PRCP: variants seen among roughly 807,000 people sequenced by gnomAD.
PRCP encodes the protein lysosomal Pro-X carboxypeptidase.
In PRCP, 46 loss-of-function variants were observed where a neutral mutation model predicts 54.2. That is an observed-to-expected ratio of 0.85 (90% CI 0.67 to 1.09). The LOEUF (loss-of-function observed/expected upper bound fraction) is 1.09, where lower values mean the gene tolerates loss of function less well. Among genes scored for constraint, PRCP ranks in the 50% least tolerant of loss-of-function variants. The pLI is 0.00. For synonymous variants in PRCP, 240 were observed against 212.2 expected (o/e 1.13, Z -1.14); for missense variants, 613 against 596.8 (o/e 1.03, Z -0.28).
At chr11:82,825,633 G>A (rs1858210621) in intron 8 of PRCP, 1 of 96,680 alleles carries the variant, frequency 1.0e-5, no homozygotes, top group Admixed American at 1.2e-4. Flanking sequence ...GGAAAGGGAG[G>A]AAAGAAGAAA....
chr11:82,892,901 C>G (rs1860036664), intron 1 of PRCP, among the ~76,000 whole-genome samples: 1 of 152,160 alleles, frequency 6.6e-6, no homozygotes. Context: ...AGGGTATAGT[C>G]ATCTATGCCT....
intron 7 of PRCP, among the ~76,000 whole-genome samples, 185 bp downstream of exon 7, chr11:82,839,076 T>A (rs892724240): frequency 6.6e-5 from 10 of 152,240 alleles, no homozygotes; most frequent in African/African-American, 9.6e-5. Flanking sequence ...AATATCTATT[T>A]GGTGATTATT....
In PRCP at chr11:82,853,239, A is replaced by C. The variant is rs1859001819; in HGVS notation, c.349T>G (p.Leu117Val). The change falls in exon 3 of 9, where the codon TTG (leucine) becomes GTG (valine). Residue 117 changes from leucine to valine, a missense_variant. Leu to Val is a conservative substitution (Grantham distance 32). Coordinates refer to ENST00000313010, the MANE Select transcript of PRCP (RefSeq NM_005040.4). ...TAGTATCGATGTTCAGCAAACACCA[A>C]CATAGCTTTCAGTTCCTCAGCCACA... ...WDVAEELKAM[L>V]VFAEHRYYGE... 2 of 1,613,326 alleles carry C rather than the reference A, an allele frequency of 1.2e-6. No homozygotes were observed. Among genetic ancestry groups the C allele is most frequent in the South Asian group, 2.2e-5 (2 of 90,990 alleles).
At chr11:82,852,707 GGGAATCCAA>G (rs1370753010) in intron 3 of PRCP, among the ~76,000 whole-genome samples, 1 of 151,546 alleles carries the variant, frequency 6.6e-6, no homozygotes. Flanking sequence ...AAGGCTGAAA[GGGAATCCAA>G]GGGGCCAGTT....
At chr11:82,835,670 G>A (rs949923058) in intron 8 of PRCP, 6 of 311,386 alleles carry the variant, frequency 1.9e-5, no homozygotes, top group African/African-American at 8.9e-5. Flanking sequence ...TGATGAAGAC[G>A]ACGGTAGGAA....
chr11:82,867,547 C>T (rs1009407281), intron 1 of PRCP, among the ~76,000 whole-genome samples: 2 of 152,184 alleles, frequency 1.3e-5, no homozygotes, highest in South Asian at 4.1e-4. Flanking sequence ...ATAATCAATG[C>T]CTTCCCACGG....
chr11:82,872,750 A>G (rs1011319658), intron 1 of PRCP, among the ~76,000 whole-genome samples: 9 of 152,216 alleles, frequency 5.9e-5, no homozygotes, highest in East Asian at 1.9e-4. Flanking sequence ...ATAAACTTCT[A>G]TTGTTTTAAG....
At chr11:82,878,262 C>T (rs1285915723) in intron 1 of PRCP, among the ~76,000 whole-genome samples, 1 of 152,104 alleles carries the variant, frequency 6.6e-6, no homozygotes, top group Non-Finnish European at 1.5e-5. Context: ...TCAGGTGAGA[C>T]TTTGGACTGT....
In PRCP at chr11:82,838,508, A is replaced by G. The variant is rs1858583298; in HGVS notation, c.1153T>C (p.Trp385Arg). Residue 385 changes from tryptophan (W) to arginine (R), a missense_variant, in exon 8 of 9, where the codon TGG (tryptophan) becomes CGG (arginine). Transcript: ENST00000313010. ...GVDDMFEPHSWNLKELSDDCF... is the reference protein window; with the variant it reads ...GVDDMFEPHSRNLKELSDDCF... ...TCATCAGAAAGTTCCTTTAAGTTCC[A>G]TGAGTGAGGTTCAAACATGTCATCG... The G allele has an allele frequency of 1.2e-6, 2 of 1,614,138 alleles. No homozygotes were observed. Among genetic ancestry groups the G allele is most frequent in the Non-Finnish European group, 1.7e-6 (2 of 1,179,982 alleles).
chr11:82,894,382 A>T (rs1299893928), intron 1 of PRCP, among the ~76,000 whole-genome samples: 2 of 152,382 alleles, frequency 1.3e-5, no homozygotes, highest in East Asian at 3.8e-4. Flanking sequence ...AAAGTTGTTT[A>T]GGTCCAATTC....
At chr11:82,825,159 A>C in intron 8 of PRCP, 37 bp from the exon 9 acceptor site, 1 of 1,550,740 alleles carries the variant, frequency 6.4e-7, no homozygotes, top group Admixed American at 1.9e-5. Flanking sequence ...TAAAGTTGTT[A>C]GTTTTTCATG....
rs528136627 is a variant in PRCP at position 82,891,739 on chromosome 11, T to C, written c.168+8496A>G. ...AGAATGTTTTTCCCCATGCCTAGAA[T>C]GCTCTTTCCCCAGTGCCTCGAATAT... On this transcript the variant is annotated intron_variant, in intron 1 of 8. Transcript: ENST00000313010. Among the ~76,000 whole-genome samples the C allele has an allele frequency of 2.6e-3, 398 of 152,298 alleles. 4 individuals are homozygous for C. Among genetic ancestry groups the C allele is most frequent in the African/African-American group, 9.3e-3 (385 of 41,572 alleles).
intron 2 of PRCP, among the ~76,000 whole-genome samples, chr11:82,854,636 CAG>C (rs1265466038): frequency 3.4e-5 from 5 of 148,916 alleles, no homozygotes; most frequent in Non-Finnish European, 5.9e-5. Flanking sequence ...TCATTTTTCA[CAG>C]AGTTAGGAAA....
intron 2 of PRCP, among the ~76,000 whole-genome samples, chr11:82,853,625 A>G (rs1270785911): frequency 6.6e-6 from 1 of 152,172 alleles, no homozygotes; most frequent in Admixed American, 6.5e-5. Context: ...TTATTTTTAA[A>G]TAAGGACGAG....
intron 8 of PRCP, among the ~76,000 whole-genome samples, chr11:82,835,354 C>A (rs557332016): frequency 6.6e-6 from 1 of 152,338 alleles, no homozygotes; most frequent in African/African-American, 2.4e-5. Flanking sequence ...TCCCTAAAAG[C>A]TTTTGGCTAT....
intron 1 of PRCP, among the ~76,000 whole-genome samples, chr11:82,899,254 T>C (rs1860195371): frequency 6.6e-6 from 1 of 152,214 alleles, no homozygotes; most frequent in South Asian, 2.1e-4. Flanking sequence ...GAGTGCCTAC[T>C]TGAAGCCAGA....
At chr11:82,863,146 G>C (rs568258903) in intron 1 of PRCP, among the ~76,000 whole-genome samples, 1 of 152,298 alleles carries the variant, frequency 6.6e-6, no homozygotes, top group South Asian at 2.1e-4. Flanking sequence ...CAGAAACCAT[G>C]AGGGTAAAAC....
intron 6 of PRCP, among the ~76,000 whole-genome samples, chr11:82,847,228 T>C (rs1277478236): frequency 3.3e-5 from 5 of 152,246 alleles, no homozygotes; most frequent in Non-Finnish European, 5.9e-5. Context: ...ATTCTCACCT[T>C]GTACACAGAT....
At chr11:82,851,143 A>G (rs987195372) in intron 3 of PRCP, among the ~76,000 whole-genome samples, 1 of 152,200 alleles carries the variant, frequency 6.6e-6, no homozygotes, top group Non-Finnish European at 1.5e-5. Flanking sequence ...CAATTTCCCT[A>G]CTGCAGAAGG....
Sources: allele counts gnomAD v4.1 joint callset (sites outside exome capture counted in the v4.1 genomes callset), GRCh38; gene constraint gnomAD v4.1.1; transcripts MANE v1.5; gene names NCBI Gene and HGNC (gene_info 2026-07-23, HGNC 2026-07-21).